COL23A1: variants seen among roughly 807,000 people sequenced by gnomAD.
COL23A1 encodes collagen type XXIII alpha 1 chain.
Under a neutral mutation model 99.3 loss-of-function variants are expected in COL23A1, and 97 were observed. The ratio of observed to expected loss-of-function variants is 0.98; its 90% CI spans 0.83 to 1.16. The LOEUF (loss-of-function observed/expected upper bound fraction) is 1.16, where lower values mean the gene tolerates loss of function less well. COL23A1 is among the 50% of genes most tolerant of loss of function. COL23A1 has a pLI of 0.00. For missense variants in COL23A1, 762 were observed against 757.4 expected (o/e 1.01, Z -0.07); for synonymous variants, 320 against 308.2 (o/e 1.04, Z -0.40).
At chr5:178,358,014 G>A (rs1469536469) in intron 2 of COL23A1, among the ~76,000 whole-genome samples, 1 of 119,196 alleles carries the variant, frequency 8.4e-6, no homozygotes, top group Admixed American at 8.6e-5. Context: ...GTATGTGTGT[G>A]TATGTGTGTG....
intron 2 of COL23A1, among the ~76,000 whole-genome samples, chr5:178,418,635 C>T (rs977803082): frequency 6.6e-6 from 1 of 152,256 alleles, no homozygotes; most frequent in Non-Finnish European, 1.5e-5. Flanking sequence ...AGCCTCCCAG[C>T]CCCACAGTGA....
At chr5:178,390,494 T>G (rs181213716) in intron 2 of COL23A1, among the ~76,000 whole-genome samples, 1 of 152,314 alleles carries the variant, frequency 6.6e-6, no homozygotes, top group Non-Finnish European at 1.5e-5. Context: ...CCCCCTCATG[T>G]TCTCACCCCA....
chr5:178,266,532 G>A (rs1050778672), intron 8 of COL23A1, among the ~76,000 whole-genome samples: 24 of 152,140 alleles, frequency 1.6e-4, no homozygotes, highest in Admixed American at 3.9e-4. Flanking sequence ...TTGAAGAGAG[G>A]GCATCCCCTT....
rs1002025771 is a variant in COL23A1, at chr5:178,544,705, G to A, written c.361+15977C>T. 1.2e-4 allele frequency among the ~76,000 whole-genome samples: 18 copies of A among 152,158 alleles called. No individual in the cohort carries two copies. Among genetic ancestry groups the A allele is most frequent in the African/African-American group, 4.3e-4 (18 of 41,436 alleles). On this transcript the variant is annotated intron_variant, in intron 2 of 28. Transcript: ENST00000390654. This position sits in a 1 kb window ranked among gnomAD's most constrained non-coding sequence, Gnocchi z 4.4. The stretch of plus-strand genomic sequence containing the variant: ...CGGTCACCTTCCAGTCCTGTAAGTG[G>A]CAAAGCTCAGAGGCACTGTGGGCTC...
chr5:178,263,986 C>A (rs933634570), intron 8 of COL23A1, among the ~76,000 whole-genome samples: 1 of 152,106 alleles, frequency 6.6e-6, no homozygotes, highest in African/African-American at 2.4e-5. Flanking sequence ...GCTGTATCTA[C>A]GTAACACTCT....
rs147838911 is a variant in COL23A1 at position 178,384,754 on chromosome 5, C to T, written c.362-77835G>A. Among the ~76,000 whole-genome samples the T allele has an allele frequency of 7.7e-3, 1,178 of 152,344 alleles. 6 individuals carry two copies. Among genetic ancestry groups the T allele is most frequent in the Admixed American group, 0.016 (239 of 15,308 alleles). ...CAGGGTGCACATATAACAGCCACCA[C>T]GACCCTTGTACCACCCGGGGACGGC... On this transcript the variant is annotated intron_variant, in intron 2 of 28. Transcript: ENST00000390654. This position sits in a 1 kb window ranked among gnomAD's most constrained non-coding sequence, Gnocchi z 5.5.
chr5:178,337,271 C>T (rs1270236686), intron 2 of COL23A1, among the ~76,000 whole-genome samples: 6 of 152,212 alleles, frequency 3.9e-5, no homozygotes, highest in East Asian at 3.9e-4. Context: ...GGAGAGCATG[C>T]GTGTTCCTGT....
At chr5:178,498,951 A>T (rs1758380188) in intron 2 of COL23A1, among the ~76,000 whole-genome samples, 1 of 151,766 alleles carries the variant, frequency 6.6e-6, no homozygotes, top group African/African-American at 2.4e-5. Flanking sequence ...TTAATCAGAC[A>T]TGGTGGTCCT....
In COL23A1 at chr5:178,366,436, C is replaced by T. The variant is rs567868141; in HGVS notation, c.362-59517G>A. On this transcript the variant is annotated intron_variant, in intron 2 of 28. Coordinates refer to ENST00000390654, the MANE Select transcript of COL23A1 (RefSeq NM_173465.4). This position sits in a 1 kb window ranked among gnomAD's most constrained non-coding sequence, Gnocchi z 4.4. Reference sequence around the variant, plus strand: ...CCCATCCGCCCTTCCCTGCATCCTCCTGGGCTGGTTCCAGTTTGGGGCCAT... The same window carrying T: ...CCCATCCGCCCTTCCCTGCATCCTCTTGGGCTGGTTCCAGTTTGGGGCCAT... 3.3e-5 allele frequency among the ~76,000 whole-genome samples: 5 copies of T among 152,350 alleles called. No homozygotes were observed. The highest frequency in any genetic ancestry group is 9.6e-5 in the African/African-American group (4 of 41,576).
intron 12 of COL23A1, 54 bp downstream of exon 12, chr5:178,259,667 T>C: frequency 7.2e-7 from 1 of 1,380,480 alleles, no homozygotes; most frequent in Non-Finnish European, 1.0e-6. Context: ...CCTGCCCTTC[T>C]CTCCAGCCAC....
chr5:178,432,384 CT>C lies in COL23A1; in HGVS notation c.362-125466del, dbSNP rs145273083. Reference sequence around the variant, plus strand: ...ACAGGTTTGCAACAGCAGATAGTGACTACCACCCCTCAGCTGGAGTGATAAG... The same window carrying C: ...ACAGGTTTGCAACAGCAGATAGTGACACCACCCCTCAGCTGGAGTGATAAG... On this transcript the variant is annotated intron_variant, in intron 2 of 28. Transcript: ENST00000390654. 9.1e-4 allele frequency among the ~76,000 whole-genome samples: 138 copies of C among 152,312 alleles called. 1 individual carries two copies. The highest frequency in any genetic ancestry group is 3.2e-3 in the African/African-American group (135 of 41,566).
chr5:178,273,167 A>G (rs564398718), intron 5 of COL23A1, among the ~76,000 whole-genome samples: 18 of 152,334 alleles, frequency 1.2e-4, no homozygotes, highest in African/African-American at 4.3e-4. Flanking sequence ...GCAGAGCCAC[A>G]GGGCTCTGCC....
intron 2 of COL23A1, among the ~76,000 whole-genome samples, chr5:178,485,191 G>C (rs1283392498): frequency 6.6e-6 from 1 of 152,210 alleles, no homozygotes; most frequent in Non-Finnish European, 1.5e-5. Context: ...TGTCAGGATA[G>C]GCAGGATGTG....
At chr5:178,522,620 G>A (rs1034144065) in intron 2 of COL23A1, among the ~76,000 whole-genome samples, 2 of 152,318 alleles carry the variant, frequency 1.3e-5, no homozygotes, top group Admixed American at 1.3e-4. Flanking sequence ...ATGTACCCAA[G>A]GGCAGGCAAT....
intron 2 of COL23A1, among the ~76,000 whole-genome samples, chr5:178,555,513 A>G (rs1762224277): frequency 1.3e-5 from 2 of 152,188 alleles, no homozygotes; most frequent in Non-Finnish European, 2.9e-5. Context: ...GCGAGCCCTG[A>G]GCCCAGATGG....
At chr5:178,253,576 G>A (rs1410668369) in intron 16 of COL23A1, among the ~76,000 whole-genome samples, 1 of 150,544 alleles carries the variant, frequency 6.6e-6, no homozygotes, top group Admixed American at 6.6e-5. Flanking sequence ...TCTGCCTCCC[G>A]GGTTCAAGTG....
At chr5:178,377,130 G>T (rs368728765) in intron 2 of COL23A1, among the ~76,000 whole-genome samples, 10 of 152,200 alleles carry the variant, frequency 6.6e-5, no homozygotes, top group Non-Finnish European at 1.5e-5. Context: ...CGCGGGCCAC[G>T]CACAGGAAAG....
rs1426938033 is a variant in COL23A1 at position 178,590,233 on chromosome 5, G to A, written c.-36C>T. On this transcript the variant is annotated 5_prime_UTR_variant, in exon 1 of 29. Coordinates refer to ENST00000390654, the MANE Select transcript of COL23A1 (RefSeq NM_173465.4). The surrounding 1 kb of genome is among the most constrained non-coding windows in gnomAD (Gnocchi z 5.7). ...TCGCGCGTGGACTCTCCGAGGGGGC[G>A]GTGCTGCTGGGGCAGAGGCTGGGTG... 10 of 1,206,374 alleles carry A rather than the reference G, an allele frequency of 8.3e-6. No individual in the cohort carries two copies. The Admixed American group carries it at 3.7e-4, about 45-fold the overall frequency. 74.7% of individuals were successfully genotyped at this position (1,206,374 alleles called of 1,614,324 possible). A position where few individuals can be genotyped will look rare whatever the true frequency, so the allele number is the denominator to read the frequency against.
intron 2 of COL23A1, among the ~76,000 whole-genome samples, chr5:178,471,271 C>G (rs969609369): frequency 2.6e-5 from 4 of 152,082 alleles, no homozygotes; most frequent in Non-Finnish European, 4.4e-5. Flanking sequence ...GACAGAGTCT[C>G]GCTCTTGTCA....
Sources: allele counts gnomAD v4.1 joint callset (sites outside exome capture counted in the v4.1 genomes callset), GRCh38; gene constraint gnomAD v4.1.1; non-coding constraint Gnocchi (gnomAD v3.1); transcripts MANE v1.5; gene names NCBI Gene and HGNC (gene_info 2026-07-23, HGNC 2026-07-21).